Variants in ARFGAP2 observed in about 807,000 individuals in gnomAD.
The protein encoded by ARFGAP2 is ADP-ribosylation factor GTPase-activating protein 2.
Under a neutral mutation model 71.9 loss-of-function variants are expected in ARFGAP2, and 45 were observed. The ratio of observed to expected loss-of-function variants is 0.63; its 90% CI spans 0.49 to 0.80. The LOEUF (loss-of-function observed/expected upper bound fraction) is 0.80, where lower values mean the gene tolerates loss of function less well. Ranked by LOEUF, ARFGAP2 falls within the 30% of genes least tolerant of loss-of-function variation. The pLI, the probability that ARFGAP2 is intolerant of heterozygous loss-of-function variation, is 0.00. For synonymous variants in ARFGAP2, 248 were observed against 249.2 expected (o/e 1.00, Z 0.05); for missense variants, 633 against 673.9 (o/e 0.94, Z 0.67).
chr11:47,176,519 A>G lies in ARFGAP2; in HGVS notation c.188T>C (p.Ile63Thr). The change falls in exon 2 of 16, where the codon ATC becomes ACC. Residue 63 changes from isoleucine (I) to threonine (T), a missense_variant. Physicochemically the swap from Ile to Thr is moderately conservative, Grantham distance 89. Transcript: ENST00000524782. ...GGCAACCGCGCGGAGAGCCTACCTG[A>G]TGAAGCTCAGATGGACGCCCAGGGA... Reference protein sequence around the residue: ...HRSLGVHLSFIRSTELDSNWN... With the variant: ...HRSLGVHLSFTRSTELDSNWN... 1.9e-6 allele frequency: 3 copies of G among 1,613,350 alleles called. No individual in the cohort carries two copies. The highest frequency in any genetic ancestry group is 2.5e-6 in the Non-Finnish European group (3 of 1,179,944).
Position 47,171,666 on chromosome 11 carries a change from G to A in ARFGAP2, c.807C>T (p.Ser269=). The A allele has an allele frequency of 6.2e-7, 1 of 1,613,692 alleles. No individual in the cohort carries two copies. The highest frequency in any genetic ancestry group is 8.5e-7 in the Non-Finnish European group (1 of 1,180,040). The change falls in exon 9 of 16, where the codon TCC becomes TCT. Residue 269 remains serine (S), a splice_region_variant and synonymous_variant. Transcript: ENST00000524782. ...AADAKKQAEE[S]MVASMRLAYQ... Reference sequence around the variant, plus strand: ...AGGCCCCGGCAGCAAACACTTACATGGACTCCTCCGCCTGCTTCTTGGCAT... The same window carrying A: ...AGGCCCCGGCAGCAAACACTTACATAGACTCCTCCGCCTGCTTCTTGGCAT...
At chr11:47,170,935 G>C (rs777124035) in intron 10 of ARFGAP2, among the ~76,000 whole-genome samples, 8 of 152,164 alleles carry the variant, frequency 5.3e-5, no homozygotes, top group Non-Finnish European at 1.2e-4. Context: ...AACAGAGCAA[G>C]AATCTGTCTC....
chr11:47,165,492 C>G lies in ARFGAP2; in HGVS notation c.1556G>C (p.Gly519Ala). 6.4e-7 allele frequency: 1 copy of G among 1,570,898 alleles called. No individual in the cohort carries two copies. Among genetic ancestry groups the G allele is most frequent in the Non-Finnish European group, 8.6e-7 (1 of 1,159,308 alleles). ...GTCACAGAGCTCGGATCAGTAGGAACCGTAGCGATCCTGGGGGCGAGGGGG... is the reference window on the plus strand; with the variant it reads ...GTCACAGAGCTCGGATCAGTAGGAAGCGTAGCGATCCTGGGGGCGAGGGGG... ...GVMNSLQDRYGSY is the reference protein window; with the variant it reads ...GVMNSLQDRYASY The change falls in exon 16 of 16, where the codon GGT becomes GCT. Residue 519 changes from glycine (G) to alanine (A), a missense_variant. Gly to Ala is a moderately conservative substitution (Grantham distance 60). Coordinates refer to ENST00000524782, the MANE Select transcript of ARFGAP2 (RefSeq NM_032389.6).
Position 47,172,959 on chromosome 11 carries a change from C to G in ARFGAP2, c.619+467G>C, listed in dbSNP as rs1291970040. ...CCGAGGTCAGCAAATGGACTGTTCG[C>G]CCTGAACCAAGTCTGAAAGACACTA... On this transcript the variant is annotated intron_variant, in intron 7 of 15. Transcript: ENST00000524782. 9 of 369,584 alleles carry G rather than the reference C, an allele frequency of 2.4e-5. No homozygotes were observed. In the East Asian group the frequency reaches 4.5e-4, roughly 18 times the overall value. The allele number at this position is 369,584 out of a possible 1,614,324, so 22.9% of individuals were successfully genotyped here. A position where few individuals can be genotyped will look rare whatever the true frequency, so the allele number is the denominator to read the frequency against.
At chr11:47,166,198 G>T in intron 15 of ARFGAP2, 70 bp downstream of exon 15, 1 of 1,478,014 alleles carries the variant, frequency 6.8e-7, no homozygotes, top group Non-Finnish European at 9.4e-7. Context: ...CTGAGCAGTA[G>T]CAGTGTCTCT....
At chr11:47,176,361 G>C (rs1446167857) in intron 2 of ARFGAP2, 155 bp downstream of exon 2, 2 of 722,856 alleles carry the variant, frequency 2.8e-6, no homozygotes, top group East Asian at 5.2e-5. Context: ...GGCCCACACA[G>C]GTGGTTCCCT....
Position 47,175,973 on chromosome 11 carries a change from C to T in ARFGAP2, c.192-50G>A, listed in dbSNP as rs201430082. 4,460 of 1,594,568 alleles carry T rather than the reference C, an allele frequency of 2.8e-3. 13 individuals carry two copies. Among genetic ancestry groups the T allele is most frequent in the Admixed American group, 3.6e-3 (207 of 57,790 alleles). On this transcript the variant is annotated intron_variant, in intron 2 of 15. Coordinates refer to ENST00000524782, the MANE Select transcript of ARFGAP2 (RefSeq NM_032389.6). Reference sequence around the variant, plus strand: ...CCACTAGCAGATACCAGCAGGATTTCCCTGGCAACCCGGATACCTGTCACT... The same window carrying T: ...CCACTAGCAGATACCAGCAGGATTTTCCTGGCAACCCGGATACCTGTCACT...
intron 3 of ARFGAP2, 175 bp from the exon 4 acceptor site, chr11:47,175,488 C>T: frequency 1.0e-6 from 1 of 1,003,256 alleles, no homozygotes; most frequent in South Asian, 1.4e-5. Context: ...CAAAAAACAC[C>T]TTGCAGCGGG....
At chr11:47,168,289 A>T (rs747081917) in intron 10 of ARFGAP2, 38 bp from the exon 11 acceptor site, 9 of 1,612,454 alleles carry the variant, frequency 5.6e-6, no homozygotes, top group Non-Finnish European at 7.6e-6. Flanking sequence ...AGACCAAAGG[A>T]TAGGCATCAG....
chr11:47,171,470 C>A lies in ARFGAP2; in HGVS notation c.897G>T (p.Lys299Asn), dbSNP rs781064553. 1.2e-6 allele frequency: 2 copies of A among 1,614,248 alleles called. No individual in the cohort carries two copies. The highest frequency in any genetic ancestry group is 3.3e-5 in the Admixed American group (2 of 60,032). Residue 299 changes from lysine (K) to asparagine (N), a missense_variant, in exon 10 of 16, where the codon AAG becomes AAT. Coordinates refer to ENST00000524782, the MANE Select transcript of ARFGAP2 (RefSeq NM_032389.6). Reference sequence around the variant, plus strand: ...TGCCCAACCTTTCTGCCTGCTCTCGCTTCTTCCCTTCCAGATTCTGTAGCT... The same window carrying A: ...TGCCCAACCTTTCTGCCTGCTCTCGATTCTTCCCTTCCAGATTCTGTAGCT... ...EKKLQNLEGK[K>N]REQAERLGMG...
At chr11:47,168,498 T>G in intron 10 of ARFGAP2, 7 of 377,408 alleles carry the variant, frequency 1.9e-5, no homozygotes, top group Non-Finnish European at 2.4e-5. Context: ...CCCTGGCCAG[T>G]GACGGTTTGC....
In ARFGAP2 at chr11:47,168,309, A is replaced by G. The variant is rs565081123; in HGVS notation, c.942-58T>C. The G allele has an allele frequency of 1.6e-5, 26 of 1,605,592 alleles. No homozygotes were observed. In the South Asian group the frequency reaches 2.4e-4, roughly 15 times the overall value. On this transcript the variant is annotated intron_variant, in intron 10 of 15. Coordinates refer to ENST00000524782, the MANE Select transcript of ARFGAP2 (RefSeq NM_032389.6). Reference sequence around the variant, plus strand: ...AAAGGATAGGCATCAGCATCACCGCACAAGAGACAATGCCCAGCAACTGGG... The same window carrying G: ...AAAGGATAGGCATCAGCATCACCGCGCAAGAGACAATGCCCAGCAACTGGG...
In ARFGAP2 at chr11:47,175,940, C is replaced by T. The variant is rs778917783; in HGVS notation, c.192-17G>A. On this transcript the variant is annotated splice_polypyrimidine_tract_variant and intron_variant, in intron 2 of 15. Transcript: ENST00000524782. ...TCTGTGGACCTGTGTACAAGGGCTG[C>T]GTCTCACCCACTAGCAGATACCAGC... 6.2e-7 allele frequency: 1 copy of T among 1,613,432 alleles called. No homozygotes were observed. Among genetic ancestry groups the T allele is most frequent in the African/African-American group, 1.3e-5 (1 of 75,000 alleles).
intron 7 of ARFGAP2, chr11:47,172,580 C>G: frequency 8.5e-7 from 1 of 1,181,202 alleles, no homozygotes; most frequent in South Asian, 1.4e-5. Context: ...TCCGAAGCAC[C>G]AGAGACGTCC....
intron 10 of ARFGAP2, among the ~76,000 whole-genome samples, chr11:47,171,100 T>C (rs1814587453): frequency 2.6e-5 from 4 of 152,120 alleles, no homozygotes; most frequent in Non-Finnish European, 4.4e-5. Context: ...TGATACTAAA[T>C]GCACCGCAAT....
Position 47,171,420 on chromosome 11 carries a change from C to G in ARFGAP2, c.941+6G>C, listed in dbSNP as rs554859128. The stretch of plus-strand genomic sequence containing the variant: ...TTTCCCTGCCACACCCGGAGCTGAG[C>G]CTCACCTTCGGGATACCAAGCCCAT... On this transcript the variant is annotated splice_donor_region_variant and intron_variant, in intron 10 of 15. Coordinates refer to ENST00000524782, the MANE Select transcript of ARFGAP2 (RefSeq NM_032389.6). 24 of 1,614,066 alleles carry G rather than the reference C, an allele frequency of 1.5e-5. No homozygotes were observed. In the African/African-American group the frequency reaches 3.2e-4, roughly 22 times the overall value.
intron 2 of ARFGAP2, 36 bp from the exon 3 acceptor site, chr11:47,175,959 T>A (rs1206806248): frequency 6.2e-7 from 1 of 1,609,660 alleles, no homozygotes; most frequent in Admixed American, 1.7e-5. Flanking sequence ...CACTAGCAGA[T>A]ACCAGCAGGA....
Position 47,175,068 on chromosome 11 carries a change from G to A in ARFGAP2, c.427C>T (p.Pro143Ser). The change falls in exon 5 of 16, where the codon CCT (proline) becomes TCT (serine). Residue 143 changes from proline (P) to serine (S), a missense_variant. By Grantham distance (74) the Pro-to-Ser change is moderately conservative (BLOSUM62 -1). Coordinates refer to ENST00000524782, the MANE Select transcript of ARFGAP2 (RefSeq NM_032389.6). Reference sequence around the variant, plus strand: ...TCCTTCTTCTCTGGGGAGTGATTAGGAACGGCACTACTCATGTTGTCTATC... The same window carrying A: ...TCCTTCTTCTCTGGGGAGTGATTAGAAACGGCACTACTCATGTTGTCTATC... The part of the protein sequence containing the change: ...LWIDNMSSAV[P>S]NHSPEKKDSD... 1.4e-5 allele frequency: 22 copies of A among 1,614,140 alleles called. No homozygotes were observed. Among genetic ancestry groups the A allele is most frequent in the Non-Finnish European group, 1.9e-5 (22 of 1,180,032 alleles).
chr11:47,170,534 C>A (rs1440252634), intron 10 of ARFGAP2, among the ~76,000 whole-genome samples: 1 of 151,984 alleles, frequency 6.6e-6, no homozygotes, highest in Admixed American at 6.6e-5. Context: ...GTAATCCCAG[C>A]TGCTTGGGAG....
Sources: allele counts gnomAD v4.1 joint callset (sites outside exome capture counted in the v4.1 genomes callset), GRCh38; gene constraint gnomAD v4.1.1; transcripts MANE v1.5; gene names NCBI Gene and HGNC (gene_info 2026-07-23, HGNC 2026-07-21).